The following MARS1 variants were observed in gnomAD, a reference collection of about 807,000 sequenced individuals.
MARS1 encodes the protein methionyl-tRNA synthetase 1.
Under a neutral mutation model 119.5 loss-of-function variants are expected in MARS1, and 80 were observed. The observed-to-expected ratio is 0.67, with a 90% confidence interval of 0.56 to 0.81. The LOEUF (loss-of-function observed/expected upper bound fraction) is 0.81. Ranked by LOEUF, MARS1 falls within the 30% of genes least tolerant of loss-of-function variation. The probability of loss-of-function intolerance (pLI) is 0.00; values close to 1 mark genes in which losing one functional copy is unlikely to be tolerated. For synonymous variants in MARS1, 418 were observed against 433.4 expected, an observed-to-expected ratio of 0.96 and a Z score of 0.44; for missense variants, 945 against 1,116.5, an observed-to-expected ratio of 0.85 and a Z score of 2.19.
Position 57,500,386 on chromosome 12 carries a change from A to G in MARS1, c.1157A>G (p.Gln386Arg), listed in dbSNP as rs751072409. The G allele has an allele frequency of 4.3e-6, 7 of 1,614,232 alleles. No individual in the cohort carries two copies. The highest frequency in any genetic ancestry group is 5.9e-6 in the Non-Finnish European group (7 of 1,180,048). Residue 386 changes from glutamine to arginine, a missense_variant, in exon 10 of 21, where the codon CAA becomes CGA. By Grantham distance (43) the Gln-to-Arg change is conservative. Coordinates refer to ENST00000262027, the MANE Select transcript of MARS1 (RefSeq NM_004990.4). ...TTTGTGCTGCAAGATACTGTGGAGC[A>G]ACTGCGATGTGAGCACTGTGCTCGC... is the stretch of plus-strand genomic sequence containing the variant. ...RGFVLQDTVE[Q>R]LRCEHCARFL... is the part of the protein sequence containing the mutation.
chr12:57,493,932 T>C (rs1212327886), intron 7 of MARS1, among the ~76,000 whole-genome samples: 10 of 66,158 alleles, frequency 1.5e-4, no homozygotes, highest in African/African-American at 6.3e-4. Flanking sequence ...TAATATATAT[T>C]ATATATTATA....
At chr12:57,509,662 G>C (rs1877413587) in intron 11 of MARS1, among the ~76,000 whole-genome samples, 1 of 151,842 alleles carries the variant, frequency 6.6e-6, no homozygotes, top group South Asian at 2.1e-4. Context: ...TGCCTGCCTT[G>C]GCCTCCCGAA....
intron 10 of MARS1, chr12:57,503,968 GC>G: frequency 2.0e-6 from 1 of 507,366 alleles, no homozygotes; most frequent in Admixed American, 3.3e-5. Context: ...TCTGTACCTA[GC>G]CTATGTTCAG....
intron 10 of MARS1, among the ~76,000 whole-genome samples, chr12:57,503,829 C>T (rs527436332): frequency 3.3e-5 from 5 of 152,140 alleles, no homozygotes; most frequent in South Asian, 2.1e-4. Flanking sequence ...CGTGAGCCAC[C>T]GCGCCCGGCC....
At chr12:57,510,565 G>T (rs1028575570) in intron 11 of MARS1, among the ~76,000 whole-genome samples, 1 of 151,482 alleles carries the variant, frequency 6.6e-6, no homozygotes, top group African/African-American at 2.4e-5. Flanking sequence ...GAGCCTTGGA[G>T]TTTAAGACCA....
chr12:57,503,777 T>C (rs748600027), intron 10 of MARS1, among the ~76,000 whole-genome samples: 6 of 152,102 alleles, frequency 3.9e-5, no homozygotes, highest in Non-Finnish European at 7.4e-5. Flanking sequence ...CTTGACCTCA[T>C]GATCCGCCTG....
Position 57,516,441 on chromosome 12 carries a change from A to G in MARS1, c.2563A>G (p.Ile855Val). 6.2e-7 allele frequency: 1 copy of G among 1,613,054 alleles called. No homozygotes were observed. The highest frequency in any genetic ancestry group is 8.5e-7 in the Non-Finnish European group (1 of 1,179,526). ...CCACCCCCCTTTATCTTAGGGAAAC[A>G]TTGTCCGAGAACTGAAAGCACAAAA... ...LMDEVTKQGN[I>V]VRELKAQKAD... Residue 855 changes from isoleucine (I) to valine (V), a missense_variant, in exon 21 of 21, where the codon ATT (isoleucine) becomes GTT (valine). Transcript: ENST00000262027.
At chr12:57,514,657 C>A in intron 15 of MARS1, 63 bp from the exon 16 acceptor site, 3 of 1,599,346 alleles carry the variant, frequency 1.9e-6, no homozygotes. Flanking sequence ...GAAATTCTAA[C>A]AAGGAGACGG....
intron 7 of MARS1, among the ~76,000 whole-genome samples, chr12:57,493,465 T>C (rs1395423704): frequency 3.8e-3 from 4 of 1,056 alleles, no homozygotes; most frequent in African/African-American, 5.0e-3. Context: ...TATTATAATA[T>C]ATAATATATA....
chr12:57,500,290 T>G, intron 9 of MARS1, 31 bp from the exon 10 acceptor site: 1 of 1,601,714 alleles, frequency 6.2e-7, no homozygotes, highest in Non-Finnish European at 8.6e-7. Context: ...CTTCTGACTG[T>G]CTCTTCCTGA....
intron 7 of MARS1, among the ~76,000 whole-genome samples, chr12:57,491,900 C>T (rs1875981898): frequency 6.6e-6 from 1 of 152,212 alleles, no homozygotes; most frequent in Non-Finnish European, 1.5e-5. Flanking sequence ...ACAAGACAGA[C>T]AGGATCTCCG....
Position 57,489,337 on chromosome 12 carries a change from G to A in MARS1, c.271G>A (p.Glu91Lys), listed in dbSNP as rs369551432. Residue 91 changes from glutamate to lysine, a missense_variant, in exon 3 of 21, where the codon GAG (glutamate) becomes AAG (lysine). By Grantham distance (56) the Glu-to-Lys change is moderately conservative (BLOSUM62 1). Coordinates refer to ENST00000262027, the MANE Select transcript of MARS1 (RefSeq NM_004990.4). ...TNQWLEWEAT[E>K]LQPALSAALY... ...CCAGTGGCTGGAATGGGAAGCGACA[G>A]AGCTGCAGGTAGGACTAAGGTATGG... 5.6e-6 allele frequency: 9 copies of A among 1,614,068 alleles called. No homozygotes were observed. Among genetic ancestry groups the A allele is most frequent in the East Asian group, 2.2e-5 (1 of 44,892 alleles).
In MARS1 at chr12:57,513,855, G is replaced by T. The variant is rs73344100; in HGVS notation, c.1968-865G>T. Reference sequence around the variant, plus strand: ...TTTAATAAATAGTCCTTACCTACAGGAGTTCGAGACCAGCCTGGCCAACCT... The same window carrying T: ...TTTAATAAATAGTCCTTACCTACAGTAGTTCGAGACCAGCCTGGCCAACCT... On this transcript the variant is annotated intron_variant, in intron 15 of 20. Coordinates refer to ENST00000262027, the MANE Select transcript of MARS1 (RefSeq NM_004990.4). 6.6e-3 allele frequency among the ~76,000 whole-genome samples: 996 copies of T among 151,300 alleles called. 9 individuals are homozygous for T. The highest frequency in any genetic ancestry group is 0.023 in the African/African-American group (953 of 41,206).
In MARS1 at chr12:57,489,059, C is replaced by G. The variant is rs1875707656; in HGVS notation, c.150C>G (p.Val50=). 6.2e-7 allele frequency: 1 copy of G among 1,613,868 alleles called. No individual in the cohort carries two copies. The highest frequency in any genetic ancestry group is 1.3e-5 in the African/African-American group (1 of 74,912). Reference sequence around the variant, plus strand: ...TCCTGACCCGGCCTAAGGTCCCTGTCTTGCAGCTGGATAGCGGCAACTACC... The same window carrying G: ...TCCTGACCCGGCCTAAGGTCCCTGTGTTGCAGCTGGATAGCGGCAACTACC... The part of the protein sequence containing the change: ...VPFLTRPKVP[V]LQLDSGNYLF... Residue 50 remains valine (V), a synonymous_variant, in exon 2 of 21, where the codon GTC becomes GTG. Coordinates refer to ENST00000262027, the MANE Select transcript of MARS1 (RefSeq NM_004990.4).
Position 57,489,036 on chromosome 12 carries a change from C to G in MARS1, c.127C>G (p.Leu43Val), listed in dbSNP as rs1445833006. The G allele has an allele frequency of 1.2e-6, 2 of 1,613,230 alleles. No individual in the cohort carries two copies. The highest frequency in any genetic ancestry group is 1.7e-6 in the Non-Finnish European group (2 of 1,179,838). ...VGPEDCVVPFLTRPKVPVLQL... is the reference protein window; with the variant it reads ...VGPEDCVVPFVTRPKVPVLQL... The stretch of plus-strand genomic sequence containing the variant: ...TGCATCAGATTGTGTGGTCCCGTTC[C>G]TGACCCGGCCTAAGGTCCCTGTCTT... The change falls in exon 2 of 21, where the codon CTG becomes GTG. Residue 43 changes from leucine to valine, a missense_variant. By Grantham distance (32) the Leu-to-Val change is conservative. Transcript: ENST00000262027.
chr12:57,496,294 G>A (rs1301926390), intron 7 of MARS1, among the ~76,000 whole-genome samples: 2 of 151,438 alleles, frequency 1.3e-5, no homozygotes, highest in African/African-American at 4.9e-5. Flanking sequence ...CCCCCGAGTA[G>A]CTGGGATTAC....
chr12:57,497,020 A>G (rs1376254688), intron 7 of MARS1, among the ~76,000 whole-genome samples: 1 of 152,156 alleles, frequency 6.6e-6, no homozygotes, highest in Non-Finnish European at 1.5e-5. Flanking sequence ...CCTAGGGCAT[A>G]TTTGCCTCTA....
chr12:57,516,502 A>T lies in MARS1; in HGVS notation c.2624A>T (p.Lys875Ile), dbSNP rs137983133. The change falls in exon 21 of 21, where the codon AAA becomes ATA. Residue 875 changes from lysine to isoleucine, a missense_variant. Transcript: ENST00000262027. ...DKNEVAAEVA[K>I]LLDLKKQLAV... ...AACGAGGTTGCTGCGGAGGTGGCGA[A>T]ACTCTTGGATCTAAAGAAACAGTTG... 1 of 1,613,742 alleles carries T rather than the reference A, an allele frequency of 6.2e-7. No individual in the cohort carries two copies. Among genetic ancestry groups the T allele is most frequent in the African/African-American group, 1.3e-5 (1 of 74,922 alleles).
intron 15 of MARS1, among the ~76,000 whole-genome samples, chr12:57,514,373 C>G (rs538211134): frequency 1.3e-4 from 20 of 152,060 alleles, no homozygotes; most frequent in Non-Finnish European, 2.5e-4. Flanking sequence ...CCAGGCCAGG[C>G]TGGTCTTGAA....
Sources: allele counts gnomAD v4.1 joint callset (sites outside exome capture counted in the v4.1 genomes callset), GRCh38; gene constraint gnomAD v4.1.1; transcripts MANE v1.5; gene names NCBI Gene and HGNC (gene_info 2026-07-23, HGNC 2026-07-21).